TTN: variants seen among roughly 807,000 people sequenced by gnomAD.
The protein encoded by TTN is titin.
TTN carries 1,525 observed loss-of-function variants against 3,223.0 expected under a neutral mutation model. The observed-to-expected ratio is 0.47, with a 90% confidence interval of 0.45 to 0.49. The LOEUF is 0.49. Ranked by LOEUF, TTN falls within the 20% of genes least tolerant of loss-of-function variation. The pLI, the probability that TTN is intolerant of heterozygous loss-of-function variation, is 0.00. For synonymous variants in TTN, 14,094 were observed against 15,161.0 expected (o/e 0.93, Z 5.17); for missense variants, 40,786 against 43,424.0 (o/e 0.94, Z 5.40).
Position 178,633,428 on chromosome 2 carries a change from T to G in TTN, c.42931A>C (p.Asn14311His), listed in dbSNP as rs767640666. 6.2e-7 allele frequency: 1 copy of G among 1,613,430 alleles called. No homozygotes were observed. The highest frequency in any genetic ancestry group is 1.3e-5 in the African/African-American group (1 of 75,030). ...CDCGTDKTKA[N>H]VTVEARLIKV... ...AGCAACTCACCCTCAACAGTAACAT[T>G]TGCCTTGGTCTTGTCTGTGCCACAG... is the stretch of plus-strand genomic sequence containing the variant. Residue 14311 changes from asparagine (N) to histidine (H), a missense_variant, in exon 232 of 363, where the codon AAT (asparagine) becomes CAT (histidine). Transcript: ENST00000589042.
In TTN at chr2:178,588,517, G is replaced by GA. The variant is rs1269101576; in HGVS notation, c.63187+20dup. 1.1e-5 allele frequency: 16 copies of GA among 1,508,674 alleles called. No individual in the cohort carries two copies. Among genetic ancestry groups the GA allele is most frequent in the Admixed American group, 4.7e-5 (2 of 42,370 alleles). The allele number at this position is 1,508,674 out of a possible 1,614,324, so 93.5% of individuals were successfully genotyped here. ...GAGATTAAGAGTTGCTGTAATATCA[G>GA]AAAAAACAAGGACATCCTACCTATG... is the stretch of plus-strand genomic sequence containing the variant. On this transcript the variant is annotated intron_variant, in intron 304 of 362. Transcript: ENST00000589042.
At chr2:178,700,906 A>G (rs2074845234) in intron 111 of TTN, among the ~76,000 whole-genome samples, 1 of 152,244 alleles carries the variant, frequency 6.6e-6, no homozygotes, top group Admixed American at 6.5e-5. Flanking sequence ...AAAATATTTT[A>G]ATACCAAAAT....
At position 178,561,491 on chromosome 2, in the gene TTN, A is replaced by G. The variant is rs1007292303; in HGVS notation, c.84641T>C (p.Met28214Thr). ...TCCTTCATCAAGGCCGGAGACTTTC[A>G]TTTGAGTATCAGCAATGAGGATTTT... ...ANKILIADTQ[M>T]KVSGLDEGLM... The change falls in exon 326 of 363, where the codon ATG becomes ACG. Residue 28214 changes from methionine (M) to threonine (T), a missense_variant. Transcript: ENST00000589042. 18 of 1,613,760 alleles carry G rather than the reference A, an allele frequency of 1.1e-5. No homozygotes were observed. Among genetic ancestry groups the G allele is most frequent in the Non-Finnish European group, 1.5e-5 (18 of 1,179,746 alleles).
In TTN at chr2:178,584,011, A is replaced by T. The variant is rs913891753; in HGVS notation, c.65276-105T>A. ...CTGCTAAGTAACAAGCTCAACAGGA[A>T]GACAATTATCCCATTTTAATAACCG... On this transcript the variant is annotated intron_variant, in intron 311 of 362. Coordinates refer to ENST00000589042, the MANE Select transcript of TTN (RefSeq NM_001267550.2). The T allele has an allele frequency of 7.9e-6, 10 of 1,267,908 alleles. No individual in the cohort carries two copies. The African/African-American group carries it at 1.4e-4, about 17-fold the overall frequency. The allele number at this position is 1,267,908 out of a possible 1,614,324, so 78.5% of individuals were successfully genotyped here. A position where few individuals can be genotyped will look rare whatever the true frequency, so the allele number is the denominator to read the frequency against.
chr2:178,745,897 T>C (rs781414756), intron 47 of TTN: 2 of 1,611,626 alleles, frequency 1.2e-6, no homozygotes, highest in Non-Finnish European at 1.7e-6. Flanking sequence ...AAAAACTGTC[T>C]GTGTAGTTGC....
chr2:178,746,493 T>C (rs781734188), intron 47 of TTN: 1 of 1,613,120 alleles, frequency 6.2e-7, no homozygotes, highest in East Asian at 2.2e-5. Context: ...GAAGGTGTTC[T>C]TGATGATGTG....
In TTN at chr2:178,580,411, T is replaced by A; in HGVS notation, c.66968A>T (p.Asn22323Ile). 1 of 1,613,294 alleles carries A rather than the reference T, an allele frequency of 6.2e-7. No individual in the cohort carries two copies. The highest frequency in any genetic ancestry group is 8.5e-7 in the Non-Finnish European group (1 of 1,179,470). ...TDFDTFLRCE[N>I]VNKYDAGKYI... ...TTTTCCTGCATCATATTTGTTCACA[T>A]TTTCACAGCGCAAGAAAGTGTCAAA... The change falls in exon 317 of 363, where the codon AAT becomes ATT. Residue 22323 changes from asparagine to isoleucine, a missense_variant. Physicochemically the swap from Asn to Ile is moderately radical, Grantham distance 149. Transcript: ENST00000589042.
In TTN at chr2:178,560,752, T is replaced by C. The variant is rs768545532; in HGVS notation, c.85380A>G (p.Ile28460Met). 9 of 1,613,678 alleles carry C rather than the reference T, an allele frequency of 5.6e-6. No homozygotes were observed. The African/African-American group carries it at 1.1e-4, about 19-fold the overall frequency. The change falls in exon 326 of 363, where the codon ATA becomes ATG. Residue 28460 changes from isoleucine to methionine, a missense_variant. Physicochemically the swap from Ile to Met is conservative, Grantham distance 10. Coordinates refer to ENST00000589042, the MANE Select transcript of TTN (RefSeq NM_001267550.2). ...KPGPPAGPLE[I>M]NGLTAEKCSL... ...AGCATTTCTCAGCAGTGAGGCCATTTATTTCAAGTGGTCCTGCTGGTGGAC... is the reference window on the plus strand; with the variant it reads ...AGCATTTCTCAGCAGTGAGGCCATTCATTTCAAGTGGTCCTGCTGGTGGAC...
rs143594088 is a variant in TTN, at chr2:178,678,672, C to T, written c.33826+75G>A. ...CTAAAGAGTTGCATCCCAAAGAGTA[C>T]AGAATTAAACCAATTAATTTTTACC... On this transcript the variant is annotated intron_variant, in intron 143 of 362. Coordinates refer to ENST00000589042, the MANE Select transcript of TTN (RefSeq NM_001267550.2). 3,022 of 1,391,846 alleles carry T rather than the reference C, an allele frequency of 2.2e-3. 45 individuals carry two copies. Among genetic ancestry groups the T allele is most frequent in the South Asian group, 0.021 (1,581 of 75,116 alleles). 86.2% of individuals were successfully genotyped at this position (1,391,846 alleles called of 1,614,324 possible).
At position 178,600,979 on chromosome 2, in the gene TTN, A is replaced by T. The variant is rs140714512; in HGVS notation, c.55925T>A (p.Leu18642Gln). 3.5e-4 allele frequency: 565 copies of T among 1,613,044 alleles called. 2 individuals are homozygous for T. Among genetic ancestry groups the T allele is most frequent in the Middle Eastern group, 9.9e-4 (6 of 6,050 alleles). Reference sequence around the variant, plus strand: ...TACTAGGTCTTCAACAGTAAATTGCAGTTCTTCCACATCACGCTTATTGCA... The same window carrying T: ...TACTAGGTCTTCAACAGTAAATTGCTGTTCTTCCACATCACGCTTATTGCA... ...RQCNKRDVEE[L>Q]QFTVEDLVEG... Residue 18642 changes from leucine (L) to glutamine (Q), a missense_variant, in exon 288 of 363, where the codon CTG (leucine) becomes CAG (glutamine). Physicochemically the swap from Leu to Gln is moderately radical, Grantham distance 113. Coordinates refer to ENST00000589042, the MANE Select transcript of TTN (RefSeq NM_001267550.2).
At position 178,615,656 on chromosome 2, in the gene TTN, T is replaced by TATTTACAGGTTCATCAAC; in HGVS notation, c.48427_48444dup (p.Val16143_Asn16148dup). ...ATGTACTCACTTGCAGGAGTTGACA[T>TATTTACAGGTTCATCAAC]ATTTACAGGTTCATCAACATATGCA... On this transcript the variant is annotated inframe_insertion, in exon 258 of 363. Transcript: ENST00000589042. The TATTTACAGGTTCATCAAC allele has an allele frequency of 1.2e-6, 2 of 1,612,402 alleles. No individual in the cohort carries two copies. Among genetic ancestry groups the TATTTACAGGTTCATCAAC allele is most frequent in the Non-Finnish European group, 1.7e-6 (2 of 1,178,912 alleles).
chr2:178,732,485 T>G lies in TTN; in HGVS notation c.16576A>C (p.Asn5526His), dbSNP rs752558197. 50 of 1,613,148 alleles carry G rather than the reference T, an allele frequency of 3.1e-5. No individual in the cohort carries two copies. The highest frequency in any genetic ancestry group is 4.1e-5 in the Non-Finnish European group (48 of 1,179,416). The change falls in exon 56 of 363, where the codon AAT becomes CAT. Residue 5526 changes from asparagine to histidine, a missense_variant. Physicochemically the swap from Asn to His is moderately conservative, Grantham distance 68 (BLOSUM62 1). Coordinates refer to ENST00000589042, the MANE Select transcript of TTN (RefSeq NM_001267550.2). ...DSGTYTCKVS[N>H]VAGGVECSAN... ...CTGCATTCCACCCCTCCAGCGACAT[T>G]GCTGACTTTACATGTGTACGTGCCC...
At chr2:178,555,188 T>C in intron 330 of TTN, 36 bp from the exon 331 acceptor site, 1 of 1,575,436 alleles carries the variant, frequency 6.3e-7, no homozygotes, top group South Asian at 1.2e-5. Context: ...TTTAAAATAT[T>C]ATAAGGATGG....
At position 178,696,062 on chromosome 2, in the gene TTN, T is replaced by C. The variant is rs886055287; in HGVS notation, c.31010A>G (p.Tyr10337Cys). The change falls in exon 114 of 363, where the codon TAT (tyrosine) becomes TGT (cysteine). Residue 10337 changes from tyrosine (Y) to cysteine (C), a missense_variant. Coordinates refer to ENST00000589042, the MANE Select transcript of TTN (RefSeq NM_001267550.2). ...ATAGTCTTCATCTGGTTCTTCATAA[T>C]AAGGTTGTTCAAATGGCTCTGTGTA... is the stretch of plus-strand genomic sequence containing the variant. The part of the protein sequence containing the change: ...EPYTEPFEQP[Y>C]YEEPDEDYEE... 1.3e-5 allele frequency: 20 copies of C among 1,551,120 alleles called. No individual in the cohort carries two copies. Among genetic ancestry groups the C allele is most frequent in the Non-Finnish European group, 1.7e-5 (19 of 1,146,690 alleles).
At position 178,634,272 on chromosome 2, in the gene TTN, C is replaced by A; in HGVS notation, c.42415+94G>T. ...ACACTGTGAAAGTTAATTAGTGATG[C>A]ATTATCACAGCTTTTAGAACTTGGC... On this transcript the variant is annotated intron_variant, in intron 230 of 362. Transcript: ENST00000589042. The surrounding 1 kb of genome is among the most constrained non-coding windows in gnomAD (Gnocchi z 4.6). The A allele has an allele frequency of 6.6e-7, 1 of 1,511,730 alleles. No individual in the cohort carries two copies. The highest frequency in any genetic ancestry group is 1.8e-4 in the Middle Eastern group (1 of 5,714). The allele number at this position is 1,511,730 out of a possible 1,614,324, so 93.6% of individuals were successfully genotyped here. A position where few individuals can be genotyped will look rare whatever the true frequency, so the allele number is the denominator to read the frequency against.
rs2081075837 is a variant in TTN, at chr2:178,734,410, A to G, written c.15414T>C (p.Asn5138=). ...SLVCLEIFSF[N]SADVGEYECV... ...ATTCATATTCACCAACATCTGCACTATTAAACGAAAAGATCTCCAGACACA... is the reference window on the plus strand; with the variant it reads ...ATTCATATTCACCAACATCTGCACTGTTAAACGAAAAGATCTCCAGACACA... Residue 5138 remains asparagine, a synonymous_variant, in exon 52 of 363, where the codon AAT becomes AAC. Coordinates refer to ENST00000589042, the MANE Select transcript of TTN (RefSeq NM_001267550.2). The G allele has an allele frequency of 6.2e-7, 1 of 1,613,638 alleles. No individual in the cohort carries two copies. The highest frequency in any genetic ancestry group is 1.7e-5 in the Admixed American group (1 of 59,990).
Position 178,527,068 on chromosome 2 carries a change from C to G in TTN, c.107920G>C (p.Gly35974Arg). ...GCAGAGTCAGATCCAAATTCATTCC[C>G]TAAACTCAGGGTATAAAGTCCACCA... ...QDGGLYTLSL[G>R]NEFGSDSATV... Residue 35974 changes from glycine to arginine, a missense_variant, in exon 363 of 363, where the codon GGG (glycine) becomes CGG (arginine). Gly to Arg is a moderately radical substitution (Grantham distance 125). Coordinates refer to ENST00000589042, the MANE Select transcript of TTN (RefSeq NM_001267550.2). 6.2e-7 allele frequency: 1 copy of G among 1,613,876 alleles called. No individual in the cohort carries two copies. The highest frequency in any genetic ancestry group is 8.5e-7 in the Non-Finnish European group (1 of 1,179,840).
intron 109 of TTN, 148 bp from the exon 110 acceptor site, chr2:178,701,735 C>A: frequency 3.5e-6 from 3 of 850,930 alleles, no homozygotes; most frequent in Non-Finnish European, 5.3e-6. Flanking sequence ...TATTAGTATT[C>A]TTTTGTATGC....
chr2:178,628,360 T>A (rs2059346289), intron 240 of TTN, among the ~76,000 whole-genome samples: 1 of 152,098 alleles, frequency 6.6e-6, no homozygotes, highest in African/African-American at 2.4e-5. Flanking sequence ...ATAGCACATT[T>A]AATAGTATTT....
Sources: allele counts gnomAD v4.1 joint callset (sites outside exome capture counted in the v4.1 genomes callset), GRCh38; gene constraint gnomAD v4.1.1; non-coding constraint Gnocchi (gnomAD v3.1); transcripts MANE v1.5; gene names NCBI Gene and HGNC (gene_info 2026-07-23, HGNC 2026-07-21).